GRIK2: variants seen among roughly 807,000 people sequenced by gnomAD.
The protein encoded by GRIK2 is glutamate ionotropic receptor kainate type subunit 2.
A neutral mutation model predicts 100.3 loss-of-function variants in GRIK2; 32 were observed. That is an observed-to-expected ratio of 0.32 (90% confidence interval 0.24 to 0.43). The LOEUF is 0.43. Among genes scored for constraint, GRIK2 ranks in the 20% least tolerant of loss-of-function variants. The pLI, the probability that GRIK2 is intolerant of heterozygous loss-of-function variation, is 1.00. For synonymous variants in GRIK2, 417 were observed against 389.4 expected (o/e 1.07, Z -0.83); for missense variants, 843 against 1,114.9 (o/e 0.76, Z 3.47).
chr6:101,469,387 A>G (rs1302883203), intron 2 of GRIK2, among the ~76,000 whole-genome samples: 1 of 152,134 alleles, frequency 6.6e-6, no homozygotes, highest in Non-Finnish European at 1.5e-5. Flanking sequence ...AAAATAGACA[A>G]TATGATTTCT....
At chr6:101,838,114 C>T (rs745840087) in intron 10 of GRIK2, among the ~76,000 whole-genome samples, 5 of 152,168 alleles carry the variant, frequency 3.3e-5, no homozygotes, top group Non-Finnish European at 5.9e-5. Flanking sequence ...ACAAACAGTT[C>T]TTGCTAAGTT....
intron 12 of GRIK2, among the ~76,000 whole-genome samples, chr6:101,918,502 C>G (rs1181025031): frequency 6.6e-6 from 1 of 151,402 alleles, no homozygotes; most frequent in Non-Finnish European, 1.5e-5. Flanking sequence ...TTTCTTTGCT[C>G]TAAAGGTCTA....
chr6:101,989,814 A>G (rs1582676782), intron 14 of GRIK2, among the ~76,000 whole-genome samples: 1 of 151,598 alleles, frequency 6.6e-6, no homozygotes, highest in South Asian at 2.1e-4. Context: ...GATATGCAAT[A>G]AATATTAGTT....
intron 14 of GRIK2, among the ~76,000 whole-genome samples, chr6:101,954,269 G>A (rs2128480191): frequency 6.6e-6 from 1 of 152,142 alleles, no homozygotes; most frequent in East Asian, 1.9e-4. Context: ...TCTGCAAAAA[G>A]CCACATGAGG....
rs528335021 is a variant in GRIK2, at chr6:101,795,201, A to G, written c.952-4447A>G. ...CAATTTTTTTGGATGGATTTTCATA[A>G]GGGAAAATTTTTCCTATGGATTTAT... On this transcript the variant is annotated intron_variant, in intron 7 of 16. Transcript: ENST00000369134. 1.2e-3 allele frequency among the ~76,000 whole-genome samples: 186 copies of G among 152,196 alleles called. 6 individuals carry two copies. In the South Asian group the frequency reaches 0.038, roughly 31 times the overall value.
intron 14 of GRIK2, among the ~76,000 whole-genome samples, chr6:102,004,845 C>CCTTT (rs1795129489): frequency 6.6e-6 from 1 of 151,746 alleles, no homozygotes; most frequent in South Asian, 2.1e-4. Flanking sequence ...CCCCCCACCA[C>CCTTT]CTTTCTCCAG....
intron 12 of GRIK2, among the ~76,000 whole-genome samples, chr6:101,916,086 C>A (rs1789086312): frequency 6.6e-6 from 1 of 151,344 alleles, no homozygotes; most frequent in Non-Finnish European, 1.5e-5. Flanking sequence ...AAATATAGTA[C>A]AAACATAATA....
chr6:101,721,613 A>G (rs946130294), intron 7 of GRIK2, among the ~76,000 whole-genome samples: 1 of 152,026 alleles, frequency 6.6e-6, no homozygotes, highest in Non-Finnish European at 1.5e-5. Context: ...AAAAATACAT[A>G]AATAAATAAT....
At chr6:102,010,634 C>G (rs1358824662) in intron 14 of GRIK2, among the ~76,000 whole-genome samples, 2 of 151,956 alleles carry the variant, frequency 1.3e-5, no homozygotes, top group Admixed American at 1.3e-4. Flanking sequence ...ATTCTCCCCT[C>G]TGCCTCCCCA....
intron 4 of GRIK2, among the ~76,000 whole-genome samples, chr6:101,637,134 T>A: frequency 6.6e-6 from 1 of 152,168 alleles, no homozygotes; most frequent in East Asian, 1.9e-4. Context: ...CTCATGATGT[T>A]GTTCAAGATT....
At chr6:102,034,661 A>G (rs1770169581) in intron 14 of GRIK2, among the ~76,000 whole-genome samples, 1 of 151,412 alleles carries the variant, frequency 6.6e-6, no homozygotes, top group Admixed American at 6.6e-5. Context: ...ACACTATTCA[A>G]TTGTATTGGT....
At chr6:101,576,312 C>A (rs1035606777) in intron 2 of GRIK2, among the ~76,000 whole-genome samples, 16 of 151,892 alleles carry the variant, frequency 1.1e-4, no homozygotes, top group Admixed American at 8.5e-4. Context: ...ATTTTTGAGC[C>A]TGAAAGAATT....
intron 2 of GRIK2, among the ~76,000 whole-genome samples, chr6:101,516,453 T>C (rs1470485570): frequency 6.6e-6 from 1 of 152,176 alleles, no homozygotes; most frequent in Non-Finnish European, 1.5e-5. Context: ...AGCCAACTGA[T>C]CTTTGACAAA....
intron 4 of GRIK2, among the ~76,000 whole-genome samples, chr6:101,675,306 C>CCACA (rs3056135): frequency 0.078 from 11,562 of 148,830 alleles, 575 homozygotes; most frequent in Middle Eastern, 0.16. Flanking sequence ...CACACACACA[C>CCACA]CACACACACA....
intron 7 of GRIK2, among the ~76,000 whole-genome samples, chr6:101,689,905 G>A (rs550649847): frequency 2.6e-5 from 4 of 152,184 alleles, no homozygotes; most frequent in South Asian, 2.1e-4. Flanking sequence ...TTCAATGAGC[G>A]TTACTACTGT....
At chr6:101,529,565 C>G (rs1775324395) in intron 2 of GRIK2, among the ~76,000 whole-genome samples, 1 of 151,974 alleles carries the variant, frequency 6.6e-6, no homozygotes, top group Admixed American at 6.6e-5. Flanking sequence ...CTCTGTTGAT[C>G]TATTTTTTGA....
At chr6:101,651,396 A>G (rs1311594819) in intron 4 of GRIK2, among the ~76,000 whole-genome samples, 2 of 152,146 alleles carry the variant, frequency 1.3e-5, no homozygotes, top group South Asian at 4.1e-4. Context: ...TGTGCTAATC[A>G]CTTGCAATAC....
intron 2 of GRIK2, among the ~76,000 whole-genome samples, chr6:101,471,489 A>G (rs892246929): frequency 1.3e-5 from 2 of 151,988 alleles, no homozygotes; most frequent in African/African-American, 4.8e-5. Flanking sequence ...TGACTACTGG[A>G]ATCTAATTAT....
chr6:101,777,856 A>T (rs1280955366), intron 7 of GRIK2, among the ~76,000 whole-genome samples: 1 of 152,134 alleles, frequency 6.6e-6, no homozygotes, highest in Non-Finnish European at 1.5e-5. Flanking sequence ...TGTTACTATA[A>T]ATTCATTTAG....
Sources: allele counts gnomAD v4.1 joint callset (sites outside exome capture counted in the v4.1 genomes callset), GRCh38; gene constraint gnomAD v4.1.1; transcripts MANE v1.5; gene names NCBI Gene and HGNC (gene_info 2026-07-23, HGNC 2026-07-21).